Variants in KCNIP4 observed in about 807,000 individuals in gnomAD.
KCNIP4 encodes Kv channel-interacting protein 4.
KCNIP4 carries 12 observed loss-of-function variants against 34.0 expected under a neutral mutation model. That is an observed-to-expected ratio of 0.35 (90% CI 0.23 to 0.57). KCNIP4 has a LOEUF of 0.57. Ranked by LOEUF, KCNIP4 falls within the 20% of genes least tolerant of loss-of-function variation. The pLI, the probability that KCNIP4 is intolerant of heterozygous loss-of-function variation, is 0.83. For missense variants in KCNIP4, 238 were observed against 311.7 expected (o/e 0.76, Z 1.78); for synonymous variants, 124 against 102.2 (o/e 1.21, Z -1.29).
Position 20,899,668 on chromosome 4 carries a change from T to C in KCNIP4, c.62-16959A>G, listed in dbSNP as rs79724802. Among the ~76,000 whole-genome samples the C allele has an allele frequency of 8.6e-3, 1,303 of 152,302 alleles. 16 individuals are homozygous for C. The highest frequency in any genetic ancestry group is 0.03 in the African/African-American group (1,227 of 41,562). ...TGAAAATAATGCAATACACAAGTTT[T>C]TGTTACATTTGTCAAGAATTTCATA... On this transcript the variant is annotated intron_variant, in intron 1 of 8. Coordinates refer to ENST00000382152, the MANE Select transcript of KCNIP4 (RefSeq NM_025221.6).
At chr4:21,496,328 G>C (rs1397813119) in intron 1 of KCNIP4, among the ~76,000 whole-genome samples, 1 of 152,128 alleles carries the variant, frequency 6.6e-6, no homozygotes, top group African/African-American at 2.4e-5. Context: ...CTTGTAATAA[G>C]ACTGAATCAA....
At chr4:21,413,222 C>T (rs539691987) in intron 1 of KCNIP4, among the ~76,000 whole-genome samples, 3 of 152,104 alleles carry the variant, frequency 2.0e-5, no homozygotes, top group Non-Finnish European at 4.4e-5. Flanking sequence ...AGACGTGGTA[C>T]TGACAGAACC....
chr4:21,123,193 G>A (rs777069840), intron 1 of KCNIP4, among the ~76,000 whole-genome samples: 15 of 131,816 alleles, frequency 1.1e-4, no homozygotes, highest in Admixed American at 7.7e-5. Context: ...CAGCCTGAAC[G>A]ACAGAGCAAG....
At chr4:21,343,412 T>C (rs996806366) in intron 1 of KCNIP4, among the ~76,000 whole-genome samples, 8 of 152,144 alleles carry the variant, frequency 5.3e-5, no homozygotes, top group African/African-American at 1.9e-4. Flanking sequence ...CTATGTACTA[T>C]GTCAACCTCT....
intron 1 of KCNIP4, among the ~76,000 whole-genome samples, chr4:21,433,450 A>C (rs1726675042): frequency 6.6e-6 from 1 of 152,196 alleles, no homozygotes; most frequent in Admixed American, 6.5e-5. Flanking sequence ...TAAAAAACAA[A>C]CAAAGAAACA....
At chr4:21,063,357 AC>A (rs1172955451) in intron 1 of KCNIP4, among the ~76,000 whole-genome samples, 4 of 152,276 alleles carry the variant, frequency 2.6e-5, no homozygotes, top group South Asian at 2.1e-4. Flanking sequence ...CAGTAAACAA[AC>A]CCTGCTACTT....
chr4:21,359,970 G>A (rs1038246273), intron 1 of KCNIP4, among the ~76,000 whole-genome samples: 9 of 152,114 alleles, frequency 5.9e-5, no homozygotes, highest in African/African-American at 2.2e-4. Context: ...AATCTGAGAA[G>A]GGGATTGTGT....
At chr4:21,459,711 A>G (rs1160913309) in intron 1 of KCNIP4, among the ~76,000 whole-genome samples, 1 of 151,982 alleles carries the variant, frequency 6.6e-6, no homozygotes, top group Non-Finnish European at 1.5e-5. Context: ...GGACAGGTGA[A>G]GTCTTATAAT....
chr4:21,035,988 T>C (rs1209935432), intron 1 of KCNIP4, among the ~76,000 whole-genome samples: 1 of 152,178 alleles, frequency 6.6e-6, no homozygotes, highest in African/African-American at 2.4e-5. Context: ...ATCCAGAGCA[T>C]AATTGGCACA....
At chr4:20,810,487 G>T (rs1045253171) in intron 3 of KCNIP4, among the ~76,000 whole-genome samples, 1 of 151,936 alleles carries the variant, frequency 6.6e-6, no homozygotes, top group African/African-American at 2.4e-5. Context: ...GAGACAGAGA[G>T]AGACCAACTG....
chr4:20,866,251 A>G (rs976577856), intron 2 of KCNIP4, among the ~76,000 whole-genome samples: 2 of 152,104 alleles, frequency 1.3e-5, no homozygotes, highest in Admixed American at 1.3e-4. Flanking sequence ...AGACAAAAAA[A>G]TCCTCAAGAA....
intron 1 of KCNIP4, among the ~76,000 whole-genome samples, chr4:21,349,236 C>G (rs984111460): frequency 1.3e-5 from 2 of 152,122 alleles, no homozygotes; most frequent in African/African-American, 4.8e-5. Context: ...GAGGAACAAC[C>G]TAACATATTG....
intron 1 of KCNIP4, among the ~76,000 whole-genome samples, chr4:21,525,707 G>A (rs1351359584): frequency 6.6e-6 from 1 of 151,854 alleles, no homozygotes; most frequent in Non-Finnish European, 1.5e-5. Context: ...TTTAAATTGG[G>A]GATTCAGAGG....
intron 1 of KCNIP4, among the ~76,000 whole-genome samples, chr4:21,458,263 G>T (rs1015237761): frequency 6.6e-6 from 1 of 150,834 alleles, no homozygotes; most frequent in Non-Finnish European, 1.5e-5. Flanking sequence ...TTGTTCTTGC[G>T]ATAGTTTACT....
chr4:21,862,451 A>C (rs1238949845), intron 1 of KCNIP4, among the ~76,000 whole-genome samples: 1 of 152,230 alleles, frequency 6.6e-6, no homozygotes, highest in Non-Finnish European at 1.5e-5. Context: ...AGTAAAATAC[A>C]ATCAAATGAT....
chr4:21,514,538 A>G (rs990184427), intron 1 of KCNIP4, among the ~76,000 whole-genome samples: 3 of 152,210 alleles, frequency 2.0e-5, no homozygotes, highest in Non-Finnish European at 4.4e-5. Flanking sequence ...TAATGGGAAA[A>G]ATAGTAACTA....
At chr4:20,900,744 C>A (rs1241669671) in intron 1 of KCNIP4, among the ~76,000 whole-genome samples, 1 of 151,848 alleles carries the variant, frequency 6.6e-6, no homozygotes, top group Non-Finnish European at 1.5e-5. Context: ...AGGAGCCCAG[C>A]ACTGTCAACA....
At chr4:21,749,075 G>T (rs1716972333) in intron 1 of KCNIP4, among the ~76,000 whole-genome samples, 1 of 152,110 alleles carries the variant, frequency 6.6e-6, no homozygotes, top group African/African-American at 2.4e-5. Flanking sequence ...ACTCTTGATT[G>T]TGAATCCCCT....
chr4:20,894,640 T>C (rs1726303376), intron 1 of KCNIP4, among the ~76,000 whole-genome samples: 1 of 152,146 alleles, frequency 6.6e-6, no homozygotes, highest in Non-Finnish European at 1.5e-5. Flanking sequence ...CGGAGGAGGA[T>C]TTTTTAGCAG....
Sources: allele counts gnomAD v4.1 joint callset (sites outside exome capture counted in the v4.1 genomes callset), GRCh38; gene constraint gnomAD v4.1.1; transcripts MANE v1.5; gene names NCBI Gene and HGNC (gene_info 2026-07-23, HGNC 2026-07-21).